Variants in DAB1 observed in about 807,000 individuals in gnomAD.
The protein encoded by DAB1 is DAB adaptor protein 1.
In DAB1, 15 loss-of-function variants were observed where a neutral mutation model predicts 64.6. The observed-to-expected ratio is 0.23, with a 90% CI of 0.16 to 0.36. The LOEUF (loss-of-function observed/expected upper bound fraction) is 0.36. DAB1 is among the 10% of genes least tolerant of loss of function. DAB1 has a pLI of 1.00. For missense variants in DAB1, 596 were observed against 706.7 expected, an observed-to-expected ratio of 0.84 and a Z score of 1.78; for synonymous variants, 235 against 251.9, an observed-to-expected ratio of 0.93 and a Z score of 0.64.
rs970314208 is a variant in DAB1 at position 57,499,608 on chromosome 1, A to G, written n.625+149984T>C. Reference sequence around the variant, plus strand: ...CCCGGACTGGTGTTTTTCTAGATGCATGTGATGAAAAACCAGGGAGGCAAG... The same window carrying G: ...CCCGGACTGGTGTTTTTCTAGATGCGTGTGATGAAAAACCAGGGAGGCAAG... On this transcript the variant is annotated intron_variant and non_coding_transcript_variant, in intron 7 of 20. Transcript: ENST00000485760. Among the ~76,000 whole-genome samples, 10 of 152,298 alleles carry G rather than the reference A, an allele frequency of 6.6e-5. No individual in the cohort carries two copies. The South Asian group carries it at 1.0e-3, about 16-fold the overall frequency.
At chr1:57,397,874 A>G (rs1682937883) in intron 1 of DAB1, among the ~76,000 whole-genome samples, 1 of 152,362 alleles carries the variant, frequency 6.6e-6, no homozygotes, top group Non-Finnish European at 1.5e-5. Context: ...GGTTAAGAAT[A>G]TGCAAGGCTT....
chr1:58,124,718 T>A (rs1050386658), intron 5 of DAB1, among the ~76,000 whole-genome samples: 3 of 152,238 alleles, frequency 2.0e-5, no homozygotes, highest in African/African-American at 7.2e-5. Flanking sequence ...AGCTGTCACC[T>A]GTTATCTGTG....
chr1:58,280,818 C>T (rs1458446378), intron 4 of DAB1, among the ~76,000 whole-genome samples: 1 of 152,146 alleles, frequency 6.6e-6, no homozygotes, highest in Non-Finnish European at 1.5e-5. Context: ...GTGGGGGTGG[C>T]ACCCAAGGAG....
chr1:57,480,081 G>A (rs1362886138), intron 7 of DAB1, among the ~76,000 whole-genome samples: 1 of 151,382 alleles, frequency 6.6e-6, no homozygotes, highest in Non-Finnish European at 1.5e-5. Flanking sequence ...GAACCCGGGA[G>A]GCGGAGCTTG....
At chr1:57,476,226 CAA>C (rs57483030) in intron 7 of DAB1, among the ~76,000 whole-genome samples, 2 of 57,140 alleles carry the variant, frequency 3.5e-5, no homozygotes, top group African/African-American at 7.0e-5. Flanking sequence ...AACTCCACTT[CAA>C]AAAAAAAAAA....
At chr1:57,756,169 C>T (rs1368599768) in intron 6 of DAB1, among the ~76,000 whole-genome samples, 1 of 152,116 alleles carries the variant, frequency 6.6e-6, no homozygotes, top group Non-Finnish European at 1.5e-5. Flanking sequence ...TTGAGGGCTG[C>T]CTATACACCA....
intron 1 of DAB1, among the ~76,000 whole-genome samples, chr1:57,395,890 C>A (rs1040114116): frequency 6.6e-6 from 1 of 152,216 alleles, no homozygotes; most frequent in Admixed American, 6.5e-5. Context: ...CCACTATCAA[C>A]CTCCGATTTT....
intron 2 of DAB1, among the ~76,000 whole-genome samples, chr1:57,205,988 A>G (rs1665503716): frequency 6.6e-6 from 1 of 152,164 alleles, no homozygotes; most frequent in African/African-American, 2.4e-5. Context: ...ATTCTTTTCA[A>G]TAAGCATTTG....
chr1:57,759,512 T>C (rs866101809), intron 6 of DAB1, among the ~76,000 whole-genome samples: 6 of 152,194 alleles, frequency 3.9e-5, no homozygotes, highest in East Asian at 3.8e-4. Flanking sequence ...TTCTGTAGTA[T>C]GGAATATTCT....
chr1:57,592,431 C>A lies in DAB1; in HGVS notation n.625+57161G>T, dbSNP rs146340831. Among the ~76,000 whole-genome samples the A allele has an allele frequency of 2.1e-3, 324 of 151,522 alleles. 1 individual carries two copies. Among genetic ancestry groups the A allele is most frequent in the African/African-American group, 7.3e-3 (302 of 41,162 alleles). On this transcript the variant is annotated intron_variant and non_coding_transcript_variant, in intron 7 of 20. Transcript: ENST00000485760. ...GCCCCCATTTGAAAAGCAGCAAGGC[C>A]TCATAGAAAAAAAAAATGGAAATAT...
In DAB1 at chr1:57,926,192, C is replaced by T. The variant is rs141150142; in HGVS notation, n.388-42030G>A. On this transcript the variant is annotated intron_variant and non_coding_transcript_variant, in intron 5 of 20. Transcript: ENST00000485760. ...TGTTCTTTCCTTCTCCACAGAATGG[C>T]GAGGACAATGGGAGTTCCCAGGTAT... Among the ~76,000 whole-genome samples the T allele has an allele frequency of 6.4e-4, 97 of 152,250 alleles. 2 individuals carry two copies. Among genetic ancestry groups the T allele is most frequent in the African/African-American group, 2.3e-3 (94 of 41,554 alleles).
At chr1:57,234,956 TATC>T (rs1209913865) in intron 2 of DAB1, among the ~76,000 whole-genome samples, 1 of 152,220 alleles carries the variant, frequency 6.6e-6, no homozygotes, top group Non-Finnish European at 1.5e-5. Context: ...CGTCCTCTTA[TATC>T]ATCGGACAGA....
chr1:57,897,529 A>G (rs1479880969), intron 5 of DAB1, among the ~76,000 whole-genome samples: 1 of 152,192 alleles, frequency 6.6e-6, no homozygotes, highest in Non-Finnish European at 1.5e-5. Context: ...AGGCAGCTTC[A>G]TGCCTTCATG....
At chr1:58,275,807 CA>C (rs1325563196) in intron 4 of DAB1, among the ~76,000 whole-genome samples, 3 of 152,160 alleles carry the variant, frequency 2.0e-5, no homozygotes, top group Non-Finnish European at 4.4e-5. Context: ...TTTGATCCAG[CA>C]ATTTCACTTC....
At chr1:57,307,721 C>T (rs1674317916) in intron 1 of DAB1, among the ~76,000 whole-genome samples, 1 of 151,992 alleles carries the variant, frequency 6.6e-6, no homozygotes. Context: ...ACTACACCCC[C>T]TTTCGTATCT....
At chr1:57,056,355 A>C (rs1221237901) in intron 9 of DAB1, among the ~76,000 whole-genome samples, 1 of 148,132 alleles carries the variant, frequency 6.8e-6, no homozygotes, top group Non-Finnish European at 1.5e-5. Context: ...AAAAAAAAAA[A>C]ATTGCCAGGC....
At chr1:57,762,668 A>G (rs1051846754) in intron 6 of DAB1, among the ~76,000 whole-genome samples, 21 of 152,202 alleles carry the variant, frequency 1.4e-4, no homozygotes, top group African/African-American at 3.4e-4. Context: ...TTTTATTTCA[A>G]TGAAGACTAG....
intron 7 of DAB1, among the ~76,000 whole-genome samples, chr1:57,628,649 A>G (rs1451781235): frequency 6.6e-6 from 1 of 152,220 alleles, no homozygotes; most frequent in African/African-American, 2.4e-5. Context: ...CTATTTGGTC[A>G]TATATGACCT....
intron 5 of DAB1, among the ~76,000 whole-genome samples, chr1:57,960,774 C>T (rs1479431463): frequency 6.6e-6 from 1 of 152,256 alleles, no homozygotes; most frequent in Non-Finnish European, 1.5e-5. Context: ...TCCTTCAATT[C>T]CTCCACAAAC....
Sources: gnomAD v4.1 joint callset for allele counts (sites outside exome capture counted in the v4.1 genomes callset) on GRCh38, gnomAD v4.1.1 for gene constraint, MANE v1.5 for transcripts, NCBI Gene and HGNC (gene_info 2026-07-23, HGNC 2026-07-21) for gene names.